Variants in RIMS1 observed in about 807,000 individuals in gnomAD.
RIMS1 encodes regulating synaptic membrane exocytosis 1, also known as regulating synaptic membrane exocytosis protein 1.
RIMS1 carries 83 observed loss-of-function variants against 214.1 expected under a neutral mutation model. The observed-to-expected ratio is 0.39, with a 90% CI of 0.32 to 0.47. RIMS1 has a LOEUF of 0.47. Ranked by LOEUF, RIMS1 falls within the 20% of genes least tolerant of loss-of-function variation. The pLI is 0.99. For synonymous variants in RIMS1, 793 were observed against 786.8 expected, an observed-to-expected ratio of 1.01 and a Z score of -0.13; for missense variants, 2,050 against 2,161.8, an observed-to-expected ratio of 0.95 and a Z score of 1.03.
rs1272182947 is a variant in RIMS1, at chr6:72,154,529, G to T, written c.472-25046G>T. Among the ~76,000 whole-genome samples, 2 of 140,624 alleles carry T rather than the reference G, an allele frequency of 1.4e-5. 1 individual carries two copies. The highest frequency in any genetic ancestry group is 3.2e-5 in the Non-Finnish European group (2 of 61,916). 92.3% of individuals were successfully genotyped at this position (140,624 alleles called of 152,430 possible). ...TTAACAAATGAGAACAACCTGGTGA[G>T]TTGAATGAGTAACATCAGCAAGATG... On this transcript the variant is annotated intron_variant, in intron 4 of 33. Transcript: ENST00000521978.
chr6:72,210,525 C>T (rs921912844), intron 6 of RIMS1, among the ~76,000 whole-genome samples: 5 of 152,186 alleles, frequency 3.3e-5, no homozygotes, highest in African/African-American at 1.2e-4. Context: ...ATACTATATT[C>T]TCATGGAGGA....
chr6:71,979,466 ATGACAGCAT>A (rs1396096781), intron 2 of RIMS1, among the ~76,000 whole-genome samples: 1 of 152,110 alleles, frequency 6.6e-6, no homozygotes, highest in Non-Finnish European at 1.5e-5. Flanking sequence ...AGTCATATAC[ATGACAGCAT>A]TGTGTATTCC....
At chr6:72,363,995 A>G (rs2097909169) in intron 29 of RIMS1, among the ~76,000 whole-genome samples, 1 of 152,192 alleles carries the variant, frequency 6.6e-6, no homozygotes, top group Non-Finnish European at 1.5e-5. Flanking sequence ...CAGAGGCACC[A>G]TGCCTTCCTC....
intron 29 of RIMS1, among the ~76,000 whole-genome samples, chr6:72,355,843 C>A (rs145045662): frequency 2.6e-5 from 4 of 152,152 alleles, no homozygotes; most frequent in African/African-American, 9.6e-5. Flanking sequence ...ACAAAAATAT[C>A]ATAATGAGCA....
At chr6:72,051,168 C>T (rs144245157) in intron 2 of RIMS1, among the ~76,000 whole-genome samples, 15 of 152,164 alleles carry the variant, frequency 9.9e-5, no homozygotes, top group Admixed American at 5.9e-4. Flanking sequence ...TGACAAAGGC[C>T]GGAGACTGCT....
chr6:72,359,711 A>G (rs547806410), intron 29 of RIMS1, among the ~76,000 whole-genome samples: 1 of 152,326 alleles, frequency 6.6e-6, no homozygotes, highest in South Asian at 2.1e-4. Context: ...TAAAATAGCA[A>G]GGGTTCCTTT....
intron 4 of RIMS1, among the ~76,000 whole-genome samples, chr6:72,124,378 C>T (rs574736620): frequency 2.0e-5 from 3 of 151,912 alleles, no homozygotes; most frequent in South Asian, 2.1e-4. Flanking sequence ...GTGGGTAACC[C>T]GACCTTTCTC....
chr6:72,125,571 A>G (rs1159054299), intron 4 of RIMS1, among the ~76,000 whole-genome samples: 1 of 152,202 alleles, frequency 6.6e-6, no homozygotes, highest in Non-Finnish European at 1.5e-5. Flanking sequence ...CCTTTTGTTC[A>G]GCTATACCCT....
At chr6:71,947,285 C>T (rs1788144002) in intron 1 of RIMS1, among the ~76,000 whole-genome samples, 1 of 151,938 alleles carries the variant, frequency 6.6e-6, no homozygotes, top group Admixed American at 6.6e-5. Flanking sequence ...TCACAATAGC[C>T]AAGATATAGA....
At chr6:72,366,495 G>T (rs1595411769) in intron 29 of RIMS1, among the ~76,000 whole-genome samples, 1 of 152,132 alleles carries the variant, frequency 6.6e-6, no homozygotes, top group South Asian at 2.1e-4. Context: ...TACATAGTTT[G>T]TTTAAAATGT....
At chr6:71,980,925 A>G (rs1462400763) in intron 2 of RIMS1, among the ~76,000 whole-genome samples, 1 of 152,136 alleles carries the variant, frequency 6.6e-6, no homozygotes, top group African/African-American at 2.4e-5. Context: ...ATAAAAAATA[A>G]GGATAGAAAA....
rs371247831 is a variant in RIMS1 at position 72,390,593 on chromosome 6, G to C, written c.4367-5G>C. On this transcript the variant is annotated splice_region_variant and splice_polypyrimidine_tract_variant and intron_variant, in intron 29 of 33. Coordinates refer to ENST00000521978, the MANE Select transcript of RIMS1 (RefSeq NM_014989.7). ...CTTAGAGTTTCTTTTACTCTCTCCT[G>C]TCAGAGTCGGGCCACAAAAAGTTAA... 157 of 1,610,378 alleles carry C rather than the reference G, an allele frequency of 9.7e-5. No homozygotes were observed. Among genetic ancestry groups the C allele is most frequent in the Admixed American group, 3.2e-4 (19 of 59,394 alleles).
intron 6 of RIMS1, among the ~76,000 whole-genome samples, chr6:72,201,487 T>G (rs2051976570): frequency 6.6e-6 from 1 of 152,242 alleles, no homozygotes; most frequent in South Asian, 2.1e-4. Context: ...AAGGTTGTCC[T>G]TATTTTGGTT....
At chr6:72,140,349 C>T (rs1362684329) in intron 4 of RIMS1, among the ~76,000 whole-genome samples, 1 of 151,996 alleles carries the variant, frequency 6.6e-6, no homozygotes, top group Non-Finnish European at 1.5e-5. Context: ...ATATTGGTAA[C>T]ATAGTTAAAC....
intron 2 of RIMS1, among the ~76,000 whole-genome samples, chr6:71,976,649 T>C (rs1191862084): frequency 2.0e-5 from 3 of 152,204 alleles, no homozygotes; most frequent in East Asian, 3.9e-4. Context: ...TGGTCTTGCA[T>C]CCAGGAAATC....
intron 29 of RIMS1, among the ~76,000 whole-genome samples, chr6:72,339,740 A>C (rs543044205): frequency 9.5e-4 from 145 of 152,150 alleles, no homozygotes; most frequent in African/African-American, 3.3e-3. Flanking sequence ...TGCCGCAATA[A>C]ACGTACGTGT....
At position 72,158,818 on chromosome 6, in the gene RIMS1, T is replaced by C. The variant is rs771629667; in HGVS notation, c.472-20757T>C. Among the ~76,000 whole-genome samples the C allele has an allele frequency of 3.4e-4, 47 of 139,824 alleles. 15 individuals carry two copies. The highest frequency in any genetic ancestry group is 6.8e-4 in the Non-Finnish European group (42 of 61,616). The allele number at this position is 139,824 out of a possible 152,430, so 91.7% of individuals were successfully genotyped here. A position where few individuals can be genotyped will look rare whatever the true frequency, so the allele number is the denominator to read the frequency against. On this transcript the variant is annotated intron_variant, in intron 4 of 33. Coordinates refer to ENST00000521978, the MANE Select transcript of RIMS1 (RefSeq NM_014989.7). ...TAATCCAGTCTATCATTGTTGGACA[T>C]TGGATTGGTTCCAGGTCTTTGCTAT... is the stretch of plus-strand genomic sequence containing the variant.
intron 31 of RIMS1, among the ~76,000 whole-genome samples, 166 bp from the exon 32 acceptor site, chr6:72,398,083 G>A (rs867599868): frequency 6.6e-6 from 1 of 152,072 alleles, no homozygotes. Flanking sequence ...ATTTGATTTG[G>A]AAACTGAGAA....
intron 2 of RIMS1, among the ~76,000 whole-genome samples, chr6:71,999,444 A>G (rs1252435278): frequency 1.3e-5 from 2 of 152,156 alleles, no homozygotes; most frequent in Admixed American, 6.6e-5. Context: ...GATTCAGTCA[A>G]AGATAAGGAT....
Sources: allele counts gnomAD v4.1 joint callset (sites outside exome capture counted in the v4.1 genomes callset), GRCh38; gene constraint gnomAD v4.1.1; transcripts MANE v1.5; gene names NCBI Gene and HGNC (gene_info 2026-07-23, HGNC 2026-07-21).